Variants in PTK7 observed in about 807,000 individuals in gnomAD.
PTK7 encodes inactive tyrosine-protein kinase 7.
A neutral mutation model predicts 116.6 loss-of-function variants in PTK7; 39 were observed. The observed-to-expected ratio is 0.33, with a 90% CI of 0.26 to 0.44. The LOEUF (loss-of-function observed/expected upper bound fraction) is 0.44. Ranked by LOEUF, PTK7 falls within the 20% of genes least tolerant of loss-of-function variation. PTK7 has a pLI of 1.00. For synonymous variants in PTK7, 546 were observed against 563.6 expected, an observed-to-expected ratio of 0.97 and a Z score of 0.44; for missense variants, 1,169 against 1,425.6, an observed-to-expected ratio of 0.82 and a Z score of 2.90.
At position 43,144,576 on chromosome 6, in the gene PTK7, C is replaced by T. The variant is rs780362938; in HGVS notation, c.2377C>T (p.Arg793Trp). The T allele has an allele frequency of 7.4e-6, 12 of 1,613,494 alleles. No homozygotes were observed. The Admixed American group carries it at 1.0e-4, about 13-fold the overall frequency. The change falls in exon 15 of 20, where the codon CGG becomes TGG. Residue 793 changes from arginine to tryptophan, a missense_variant. This residue lies in a region of PTK7 where 678 missense variants were observed against 853.8 expected (regional missense o/e 0.79). Transcript: ENST00000230419. ...HSTSDKMHFP[R>W]SSLQPITTLG... Reference sequence around the variant, plus strand: ...CACAAGTGATAAGATGCACTTCCCACGGTCTAGCCTGCAGCCCATCACCAC... The same window carrying T: ...CACAAGTGATAAGATGCACTTCCCATGGTCTAGCCTGCAGCCCATCACCAC...
At chr6:43,142,593 C>G in intron 13 of PTK7, 1 of 478,786 alleles carries the variant, frequency 2.1e-6, no homozygotes, top group Non-Finnish European at 3.9e-6. Flanking sequence ...ACACATATCT[C>G]TGGGTGGCTG....
In PTK7 at chr6:43,089,819, C is replaced by T. The variant is rs1766848767; in HGVS notation, c.79+13252C>T. On this transcript the variant is annotated intron_variant, in intron 1 of 19. Coordinates refer to ENST00000230419, the MANE Select transcript of PTK7 (RefSeq NM_002821.5). ...TCCCCCCTCCCCTTTAGCAAAACTT[C>T]TTAGAACAAAAGGCTGTTATTTAAT... is the stretch of plus-strand genomic sequence containing the variant. Among the ~76,000 whole-genome samples, 5 of 152,158 alleles carry T rather than the reference C, an allele frequency of 3.3e-5. No individual in the cohort carries two copies. In the South Asian group the frequency reaches 1.0e-3, roughly 31 times the overall value.
chr6:43,145,561 G>A lies in PTK7; in HGVS notation c.2640+129G>A. On this transcript the variant is annotated intron_variant, in intron 16 of 19. Transcript: ENST00000230419. The surrounding 1 kb of genome is among the most constrained non-coding windows in gnomAD (Gnocchi z 4.8). ...GTCTCAGCCGAGACCTCACCTGCCT[G>A]CTGTTACACTTTGCCCACCTTATGA... is the stretch of plus-strand genomic sequence containing the variant. 1 of 655,528 alleles carries A rather than the reference G, an allele frequency of 1.5e-6. No homozygotes were observed. Among genetic ancestry groups the A allele is most frequent in the East Asian group, 3.0e-5 (1 of 33,222 alleles). 40.6% of individuals were successfully genotyped at this position (655,528 alleles called of 1,614,324 possible). A position where few individuals can be genotyped will look rare whatever the true frequency, so the allele number is the denominator to read the frequency against.
In PTK7 at chr6:43,143,706, C is replaced by G; in HGVS notation, c.2251+86C>G. On this transcript the variant is annotated intron_variant, in intron 14 of 19. Transcript: ENST00000230419. The surrounding 1 kb of genome is among the most constrained non-coding windows in gnomAD (Gnocchi z 4.2). ...CCACGGAGGGGAGAGCGCCAGCACTCTGGAAACCGAGCGGCTGTTGCTGGG... is the reference window on the plus strand; with the variant it reads ...CCACGGAGGGGAGAGCGCCAGCACTGTGGAAACCGAGCGGCTGTTGCTGGG... 5 of 1,433,342 alleles carry G rather than the reference C, an allele frequency of 3.5e-6. No individual in the cohort carries two copies. The highest frequency in any genetic ancestry group is 2.5e-5 in the East Asian group (1 of 40,644). The allele number at this position is 1,433,342 out of a possible 1,614,324, so 88.8% of individuals were successfully genotyped here.
At chr6:43,142,533 G>T in intron 13 of PTK7, 2 of 684,694 alleles carry the variant, frequency 2.9e-6, no homozygotes, top group Non-Finnish European at 2.6e-6. Context: ...TGGGGGAGTG[G>T]GGGGGTGTTC....
chr6:43,119,596 C>T (rs543426748), intron 1 of PTK7, among the ~76,000 whole-genome samples: 69 of 152,310 alleles, frequency 4.5e-4, no homozygotes, highest in African/African-American at 1.6e-3. Flanking sequence ...CCCATCTTCC[C>T]TGGGTGATCA....
At chr6:43,120,089 A>T (rs922526255) in intron 1 of PTK7, among the ~76,000 whole-genome samples, 6 of 152,192 alleles carry the variant, frequency 3.9e-5, no homozygotes, top group African/African-American at 1.4e-4. Flanking sequence ...ATAAAGCGTT[A>T]CTAAAATTGG....
At chr6:43,077,769 C>T (rs1246036526) in intron 1 of PTK7, among the ~76,000 whole-genome samples, 3 of 152,238 alleles carry the variant, frequency 2.0e-5, no homozygotes, top group African/African-American at 7.2e-5. Flanking sequence ...TTTCTAATAT[C>T]TTTCTGGCCT....
At chr6:43,087,184 C>G (rs1561933277) in intron 1 of PTK7, among the ~76,000 whole-genome samples, 2 of 152,224 alleles carry the variant, frequency 1.3e-5, no homozygotes, top group African/African-American at 4.8e-5. Flanking sequence ...AGCCCCATTA[C>G]TGTACCCACC....
intron 1 of PTK7, among the ~76,000 whole-genome samples, chr6:43,111,385 T>C (rs1019356669): frequency 1.3e-5 from 2 of 151,970 alleles, no homozygotes; most frequent in African/African-American, 2.4e-5. Context: ...ACAGCAGAGA[T>C]TGGATGAGGG....
At chr6:43,142,600 G>A in intron 13 of PTK7, 2 of 470,298 alleles carry the variant, frequency 4.3e-6, no homozygotes, top group Admixed American at 5.9e-5. Flanking sequence ...TCTCTGGGTG[G>A]CTGGGGAGGA....
intron 1 of PTK7, among the ~76,000 whole-genome samples, chr6:43,088,561 G>T (rs958737178): frequency 1.3e-5 from 2 of 149,646 alleles, no homozygotes; most frequent in Non-Finnish European, 1.5e-5. Context: ...CTGTGGTGGT[G>T]CATGCCTGTA....
intron 6 of PTK7, 111 bp downstream of exon 6, chr6:43,132,275 A>G: frequency 2.0e-6 from 3 of 1,507,268 alleles, no homozygotes; most frequent in Non-Finnish European, 2.7e-6. Flanking sequence ...AGGGGAAGAA[A>G]AGGATGCTGG....
At chr6:43,116,378 C>T (rs1389651777) in intron 1 of PTK7, among the ~76,000 whole-genome samples, 2 of 152,144 alleles carry the variant, frequency 1.3e-5, no homozygotes, top group Non-Finnish European at 2.9e-5. Flanking sequence ...CCGCAGCCTG[C>T]TGCCACAGGC....
At chr6:43,146,539 G>A (rs1232069404) in intron 16 of PTK7, 79 bp from the exon 17 acceptor site, 24 of 1,369,890 alleles carry the variant, frequency 1.8e-5, no homozygotes, top group Non-Finnish European at 2.5e-5. Context: ...CAGGAATTCT[G>A]CGAGCACCTG....
At chr6:43,116,641 TGTGTGTGTGTGC>T (rs879298888) in intron 1 of PTK7, among the ~76,000 whole-genome samples, 9,319 of 112,948 alleles carry the variant, frequency 0.083, 342 homozygotes, top group Middle Eastern at 0.11. Flanking sequence ...TGTGTGTGTG[TGTGTGTGTGTGC>T]GCGCGCACGC....
chr6:43,085,173 G>A (rs764263972), intron 1 of PTK7, among the ~76,000 whole-genome samples: 43 of 152,202 alleles, frequency 2.8e-4, no homozygotes, highest in Non-Finnish European at 4.6e-4. Context: ...CTCTTCAACT[G>A]TGGAAATGGG....
At chr6:43,115,587 G>A (rs374635661) in intron 1 of PTK7, among the ~76,000 whole-genome samples, 105 of 152,164 alleles carry the variant, frequency 6.9e-4, no homozygotes, top group African/African-American at 2.4e-3. Context: ...TTTCCCAGCC[G>A]CAGAGATGGC....
intron 5 of PTK7, among the ~76,000 whole-genome samples, chr6:43,131,295 G>A (rs1769668600): frequency 6.6e-6 from 1 of 151,282 alleles, no homozygotes; most frequent in Non-Finnish European, 1.5e-5. Flanking sequence ...AGGGGTATCT[G>A]ACCCTGGAGC....
Sources: gnomAD v4.1 joint callset for allele counts (sites outside exome capture counted in the v4.1 genomes callset) on GRCh38, gnomAD v4.1.1 for gene constraint, gnomAD v4.1.1 regional missense constraint, Gnocchi (gnomAD v3.1) non-coding constraint, MANE v1.5 for transcripts, NCBI Gene and HGNC (gene_info 2026-07-23, HGNC 2026-07-21) for gene names.